HERC1: variants seen among roughly 807,000 people sequenced by gnomAD.
The protein encoded by HERC1 is probable E3 ubiquitin-protein ligase HERC1.
Under a neutral mutation model 554.3 loss-of-function variants are expected in HERC1, and 160 were observed. The ratio of observed to expected loss-of-function variants is 0.29; its 90% CI spans 0.25 to 0.33. The LOEUF (loss-of-function observed/expected upper bound fraction) is 0.33. Ranked by LOEUF, HERC1 falls within the 10% of genes least tolerant of loss-of-function variation. The pLI, the probability that HERC1 is intolerant of heterozygous loss-of-function variation, is 1.00. For missense variants in HERC1, 4,919 were observed against 5,918.5 expected (o/e 0.83, Z 5.54); for synonymous variants, 2,175 against 2,131.7 (o/e 1.02, Z -0.56).
At chr15:63,736,107 AACAG>A (rs2074492397) in intron 12 of HERC1, among the ~76,000 whole-genome samples, 1 of 152,346 alleles carries the variant, frequency 6.6e-6, no homozygotes, top group Admixed American at 6.5e-5. Flanking sequence ...AACAGAAAGG[AACAG>A]ACAAAGGGTA....
intron 1 of HERC1, among the ~76,000 whole-genome samples, chr15:63,821,187 T>C (rs1435596884): frequency 6.6e-6 from 1 of 152,116 alleles, no homozygotes; most frequent in African/African-American, 2.4e-5. Flanking sequence ...TTTGGGAGGC[T>C]GGGGTGAGAG....
chr15:63,832,154 T>C (rs895546241), intron 1 of HERC1, among the ~76,000 whole-genome samples: 1 of 152,214 alleles, frequency 6.6e-6, no homozygotes, highest in Non-Finnish European at 1.5e-5. Context: ...GTCATGTGAT[T>C]TGGGGGAAAT....
In HERC1 at chr15:63,672,509, G is replaced by A. The variant is rs2070987063; in HGVS notation, c.8032C>T (p.Leu2678Phe). ...CAACTTCTCTACCTGAGAAGACTAA[G>A]AGGCATCACTCCCGGGGACTCGGAT... Reference protein sequence around the residue: ...PASESPGVMPLSLLRQMFSSY... With the variant: ...PASESPGVMPFSLLRQMFSSY... Residue 2678 changes from leucine (L) to phenylalanine (F), a missense_variant, in exon 39 of 78, where the codon CTT becomes TTT. By Grantham distance (22) the Leu-to-Phe change is conservative. This residue lies in a region of HERC1 where 1,963 missense variants were observed against 2,228.6 expected (regional missense o/e 0.88). Transcript: ENST00000443617. The A allele has an allele frequency of 6.3e-7, 1 of 1,595,038 alleles. No homozygotes were observed. Among genetic ancestry groups the A allele is most frequent in the Non-Finnish European group, 8.5e-7 (1 of 1,170,398 alleles).
chr15:63,723,983 T>C (rs2073932213), intron 18 of HERC1, among the ~76,000 whole-genome samples: 1 of 152,186 alleles, frequency 6.6e-6, no homozygotes, highest in South Asian at 2.1e-4. Context: ...GTATCAAAAA[T>C]CAATTCAACC....
chr15:63,669,357 T>A (rs141808300), intron 40 of HERC1, among the ~76,000 whole-genome samples, 181 bp downstream of exon 40: 14 of 152,344 alleles, frequency 9.2e-5, no homozygotes, highest in Middle Eastern at 6.8e-3. Flanking sequence ...CTCTCCGAAA[T>A]GGCCATAATT....
Position 63,693,728 on chromosome 15 carries a change from C to G in HERC1, c.5674+236G>C, listed in dbSNP as rs553106664. Among the ~76,000 whole-genome samples the G allele has an allele frequency of 1.2e-3, 185 of 152,276 alleles. 1 individual carries two copies. Among genetic ancestry groups the G allele is most frequent in the African/African-American group, 4.4e-3 (182 of 41,550 alleles). On this transcript the variant is annotated intron_variant, in intron 30 of 77. Coordinates refer to ENST00000443617, the MANE Select transcript of HERC1 (RefSeq NM_003922.4). ...CCCAGACAGCCAAGGAGAGGCTGAA[C>G]CTACAGAATGGGCAGTATGGTCACA...
chr15:63,679,903 T>C (rs942920583), intron 36 of HERC1, among the ~76,000 whole-genome samples, 174 bp downstream of exon 36: 27 of 152,254 alleles, frequency 1.8e-4, no homozygotes, highest in African/African-American at 6.5e-4. Context: ...AGTGCCTTAA[T>C]ATTAATATAT....
At chr15:63,696,498 A>T (rs537920495) in intron 26 of HERC1, among the ~76,000 whole-genome samples, 159 bp from the exon 27 acceptor site, 1 of 152,228 alleles carries the variant, frequency 6.6e-6, no homozygotes, top group South Asian at 2.1e-4. Context: ...CTTTTTTTGA[A>T]GATTTTCTAA....
At chr15:63,754,855 C>T (rs901582537) in intron 6 of HERC1, among the ~76,000 whole-genome samples, 3 of 152,106 alleles carry the variant, frequency 2.0e-5, no homozygotes, top group Admixed American at 6.6e-5. Context: ...CTTCGGTGAA[C>T]CATTAGAATA....
intron 51 of HERC1, among the ~76,000 whole-genome samples, 184 bp from the exon 52 acceptor site, chr15:63,652,725 T>C (rs541809234): frequency 1.3e-5 from 2 of 152,330 alleles, no homozygotes; most frequent in East Asian, 3.9e-4. Flanking sequence ...CAATCTCAGC[T>C]CACTGCAACC....
chr15:63,817,737 C>G (rs1261178490), intron 1 of HERC1, among the ~76,000 whole-genome samples: 1 of 151,952 alleles, frequency 6.6e-6, no homozygotes, highest in African/African-American at 2.4e-5. Context: ...CAACAACAAT[C>G]CAAGGATTGG....
At chr15:63,753,585 T>TA (rs569881692) in intron 7 of HERC1, among the ~76,000 whole-genome samples, 1 of 151,800 alleles carries the variant, frequency 6.6e-6, no homozygotes, top group East Asian at 1.9e-4. Context: ...ACACCAGGAA[T>TA]AAAAAAAAGT....
chr15:63,690,879 A>C (rs897037110), intron 31 of HERC1, among the ~76,000 whole-genome samples: 4 of 152,194 alleles, frequency 2.6e-5, no homozygotes, highest in African/African-American at 9.7e-5. Context: ...GCATTGTAAA[A>C]AAGTATCTGT....
Position 63,669,556 on chromosome 15 carries a change from T to A in HERC1, c.8188A>T (p.Arg2730Trp), listed in dbSNP as rs760498095. Reference protein sequence around the residue: ...SLTSPDSQSARPANRTALSDP... With the variant: ...SLTSPDSQSAWPANRTALSDP... Reference sequence around the variant, plus strand: ...CACGCACCTGTGCGGTTAGCTGGCCTTGCTGACTGGGAATCAGGAGAAGTT... The same window carrying A: ...CACGCACCTGTGCGGTTAGCTGGCCATGCTGACTGGGAATCAGGAGAAGTT... The change falls in exon 40 of 78, where the codon AGG becomes TGG. Residue 2730 changes from arginine (R) to tryptophan (W), a missense_variant. Physicochemically the swap from Arg to Trp is moderately radical, Grantham distance 101. Transcript: ENST00000443617. 6.2e-7 allele frequency: 1 copy of A among 1,613,806 alleles called. No individual in the cohort carries two copies. Among genetic ancestry groups the A allele is most frequent in the South Asian group, 1.1e-5 (1 of 91,080 alleles).
At chr15:63,690,689 A>C (rs750637770) in intron 31 of HERC1, 42 bp from the exon 32 acceptor site, 28 of 1,233,378 alleles carry the variant, frequency 2.3e-5, no homozygotes, top group Non-Finnish European at 3.3e-5. Flanking sequence ...ATGTGACTTA[A>C]ATTCAAAGTT....
intron 2 of HERC1, among the ~76,000 whole-genome samples, chr15:63,764,951 AG>A (rs1235475965): frequency 2.6e-5 from 4 of 152,188 alleles, no homozygotes; most frequent in Non-Finnish European, 4.4e-5. Flanking sequence ...TCTGTTGCCA[AG>A]GCTGGAATTC....
In HERC1 at chr15:63,822,402, A is replaced by G. The variant is rs1049191509; in HGVS notation, c.-27+11425T>C. Among the ~76,000 whole-genome samples the G allele has an allele frequency of 2.0e-5, 3 of 152,132 alleles. 1 individual carries two copies. The highest frequency in any genetic ancestry group is 7.2e-5 in the African/African-American group (3 of 41,450). On this transcript the variant is annotated intron_variant, in intron 1 of 77. Transcript: ENST00000443617. ...GGAGTTCGAGACCAGCCTGACCAACATGGTGAACCCCCATCTCTACTAAAA... is the reference window on the plus strand; with the variant it reads ...GGAGTTCGAGACCAGCCTGACCAACGTGGTGAACCCCCATCTCTACTAAAA...
At chr15:63,703,521 G>A (rs193276591) in intron 25 of HERC1, among the ~76,000 whole-genome samples, 4 of 152,234 alleles carry the variant, frequency 2.6e-5, no homozygotes, top group Admixed American at 2.0e-4. Flanking sequence ...ACTGAGACTA[G>A]TAAATGCAAA....
rs1479757313 is a variant in HERC1 at position 63,612,115 on chromosome 15, G to A, written c.14400+136C>T. Reference sequence around the variant, plus strand: ...AGGCAGGAGAACTGCTTGAAGCTAGGAAGCGGAGGTTGCAGTAAGCTAAAA... The same window carrying A: ...AGGCAGGAGAACTGCTTGAAGCTAGAAAGCGGAGGTTGCAGTAAGCTAAAA... On this transcript the variant is annotated intron_variant, in intron 77 of 77. Coordinates refer to ENST00000443617, the MANE Select transcript of HERC1 (RefSeq NM_003922.4). This position sits in a 1 kb window ranked among gnomAD's most constrained non-coding sequence, Gnocchi z 5.0. 5.5e-6 allele frequency: 4 copies of A among 732,532 alleles called. No homozygotes were observed. The highest frequency in any genetic ancestry group is 3.6e-5 in the African/African-American group (2 of 56,184). The allele number at this position is 732,532 out of a possible 1,614,324, so 45.4% of individuals were successfully genotyped here. A position where few individuals can be genotyped will look rare whatever the true frequency, so the allele number is the denominator to read the frequency against.
Sources: gnomAD v4.1 joint callset for allele counts (sites outside exome capture counted in the v4.1 genomes callset) on GRCh38, gnomAD v4.1.1 for gene constraint, gnomAD v4.1.1 regional missense constraint, Gnocchi (gnomAD v3.1) non-coding constraint, MANE v1.5 for transcripts, NCBI Gene and HGNC (gene_info 2026-07-23, HGNC 2026-07-21) for gene names.